Variants in SPPL2B observed in about 807,000 individuals in gnomAD.
SPPL2B encodes signal peptide peptidase like 2B, also known as signal peptide peptidase-like 2B.
In SPPL2B, 39 loss-of-function variants were observed where a neutral mutation model predicts 59.7. The ratio of observed to expected loss-of-function variants is 0.65; its 90% CI spans 0.51 to 0.85. The LOEUF is 0.85. Ranked by LOEUF, SPPL2B falls within the 40% of genes least tolerant of loss-of-function variation. The pLI, the probability that SPPL2B is intolerant of heterozygous loss-of-function variation, is 0.00. For synonymous variants in SPPL2B, 419 were observed against 370.8 expected (o/e 1.13, Z -1.49); for missense variants, 865 against 849.0 (o/e 1.02, Z -0.23).
Position 2,353,462 on chromosome 19 carries a change from C to T in SPPL2B, c.*253C>T, listed in dbSNP as rs1970043099. On this transcript the variant is annotated 3_prime_UTR_variant, in exon 15 of 15. Coordinates refer to ENST00000613503, the MANE Select transcript of SPPL2B (RefSeq NM_152988.3). ...CACAAGCTCTCTGCGGGTCCATCCT[C>T]CCCACCGGGGTCCGTCCTCGCAGGC... is the stretch of plus-strand genomic sequence containing the variant. The T allele has an allele frequency of 1.8e-5, 8 of 439,514 alleles. No individual in the cohort carries two copies. The South Asian group carries it at 2.1e-4, about 12-fold the overall frequency. 27.2% of individuals were successfully genotyped at this position (439,514 alleles called of 1,614,324 possible).
chr19:2,353,045 G>C lies in SPPL2B; in HGVS notation c.1615G>C (p.Glu539Gln), dbSNP rs1970018448. ...ACTCTCCCCGCAGCCGCCCAGCGAA[G>C]AACCAGCCACATCCCCCTGGCCTGC... The part of the protein sequence containing the change: ...TPLSPQPPSE[E>Q]PATSPWPAEQ... The change falls in exon 15 of 15, where the codon GAA (glutamate) becomes CAA (glutamine). Residue 539 changes from glutamate (E) to glutamine (Q), a missense_variant. By Grantham distance (29) the Glu-to-Gln change is conservative. Coordinates refer to ENST00000613503, the MANE Select transcript of SPPL2B (RefSeq NM_152988.3). The C allele has an allele frequency of 6.2e-7, 1 of 1,612,020 alleles. No individual in the cohort carries two copies. The highest frequency in any genetic ancestry group is 8.5e-7 in the Non-Finnish European group (1 of 1,179,656).
intron 7 of SPPL2B, 138 bp downstream of exon 7, chr19:2,340,310 T>G: frequency 1.4e-6 from 1 of 719,934 alleles, no homozygotes; most frequent in African/African-American, 1.8e-5. Flanking sequence ...GGCCTGGGGC[T>G]CCTAGGCCCA....
intron 2 of SPPL2B, among the ~76,000 whole-genome samples, chr19:2,335,263 GCCCCGC>G (rs1968506041): frequency 7.0e-6 from 1 of 143,412 alleles, no homozygotes; most frequent in Admixed American, 7.0e-5. Flanking sequence ...CATCCTTCAG[GCCCCGC>G]CTCCTTTCCC....
chr19:2,342,695 C>T (rs896633343), intron 8 of SPPL2B: 2 of 158,382 alleles, frequency 1.3e-5, no homozygotes, highest in African/African-American at 4.8e-5. Flanking sequence ...GTGCCCAAGC[C>T]CTCCTGCGCA....
rs934116260 is a variant in SPPL2B, at chr19:2,342,872, C to G, written c.957-339C>G. On this transcript the variant is annotated intron_variant, in intron 8 of 14. Transcript: ENST00000613503. The stretch of plus-strand genomic sequence containing the variant: ...CTGAGGGGACGCAGCCGGCCAGGCC[C>G]GTGTCCACCGTCCTGGCCCCACCAT... 20 of 278,562 alleles carry G rather than the reference C, an allele frequency of 7.2e-5. No homozygotes were observed. In the East Asian group the frequency reaches 1.4e-3, roughly 19 times the overall value. The allele number at this position is 278,562 out of a possible 1,614,324, so 17.3% of individuals were successfully genotyped here. A position where few individuals can be genotyped will look rare whatever the true frequency, so the allele number is the denominator to read the frequency against.
chr19:2,330,918 T>A (rs1744867231), intron 1 of SPPL2B, among the ~76,000 whole-genome samples: 1 of 152,140 alleles, frequency 6.6e-6, no homozygotes, highest in Non-Finnish European at 1.5e-5. Context: ...ACCCTGGTTG[T>A]AAATACACCC....
intron 13 of SPPL2B, among the ~76,000 whole-genome samples, chr19:2,348,643 T>G (rs1425883717): frequency 7.0e-6 from 1 of 142,428 alleles, no homozygotes; most frequent in Non-Finnish European, 1.5e-5. Context: ...CACGCTGTCA[T>G]TCGCTTGATT....
intron 2 of SPPL2B, among the ~76,000 whole-genome samples, chr19:2,336,657 ATGTG>A (rs951456301): frequency 2.2e-5 from 3 of 133,452 alleles, no homozygotes; most frequent in African/African-American, 2.9e-5. Flanking sequence ...GTGTGTGTGC[ATGTG>A]TGTAATAGGC....
In SPPL2B at chr19:2,343,288, TCAA is replaced by T; in HGVS notation, c.1035_1037del (p.Phe345_Lys346delinsLeu). ...CTGAAGACCATCCGTCTGCCCACCT[TCAA>T]GGTGAGTGCAGGGAGGGCACGGCTG... is the stretch of plus-strand genomic sequence containing the variant. On this transcript the variant is annotated inframe_deletion and splice_region_variant, in exon 9 of 15. Coordinates refer to ENST00000613503, the MANE Select transcript of SPPL2B (RefSeq NM_152988.3). 6.4e-7 allele frequency: 1 copy of T among 1,552,540 alleles called. No individual in the cohort carries two copies.
intron 8 of SPPL2B, chr19:2,341,565 G>A (rs1318095953): frequency 6.6e-6 from 3 of 454,382 alleles, no homozygotes; most frequent in Non-Finnish European, 1.3e-5. Flanking sequence ...GTGTTGGGAG[G>A]ACAGAGCTGG....
At chr19:2,346,463 C>G (rs1969377902) in intron 13 of SPPL2B, among the ~76,000 whole-genome samples, 1 of 152,338 alleles carries the variant, frequency 6.6e-6, no homozygotes, top group Non-Finnish European at 1.5e-5. Flanking sequence ...TCCAGGAGTT[C>G]AAGACCAGCC....
At chr19:2,338,960 C>A in intron 4 of SPPL2B, 109 bp from the exon 5 acceptor site, 1 of 1,487,550 alleles carries the variant, frequency 6.7e-7, no homozygotes, top group South Asian at 1.3e-5. Flanking sequence ...TGAGGCGTGG[C>A]CCCTGCAGGC....
intron 2 of SPPL2B, 100 bp downstream of exon 2, chr19:2,334,821 G>T: frequency 7.1e-7 from 1 of 1,403,918 alleles, no homozygotes; most frequent in East Asian, 2.7e-5. Context: ...ATCCAGAGGC[G>T]AGAGGCAGGC....
In SPPL2B at chr19:2,339,149, C is replaced by G; in HGVS notation, c.540C>G (p.Ile180Met). ...ACTACAACATGGTCATCATCTTCAT[C>G]ATGGCTGTGGGCACCGTCGCCATCG... is the stretch of plus-strand genomic sequence containing the variant. ...VLDYNMVIIFIMAVGTVAIGG... is the reference protein window; with the variant it reads ...VLDYNMVIIFMMAVGTVAIGG... The change falls in exon 5 of 15, where the codon ATC (isoleucine) becomes ATG (methionine). Residue 180 changes from isoleucine (I) to methionine (M), a missense_variant. Transcript: ENST00000613503. The G allele has an allele frequency of 6.3e-7, 1 of 1,599,914 alleles. No homozygotes were observed. The highest frequency in any genetic ancestry group is 8.5e-7 in the Non-Finnish European group (1 of 1,173,396).
chr19:2,334,381 G>C (rs897273870), intron 1 of SPPL2B, among the ~76,000 whole-genome samples: 6 of 152,232 alleles, frequency 3.9e-5, no homozygotes, highest in African/African-American at 1.4e-4. Context: ...TCACCAGCCT[G>C]GGGCTCCCTG....
chr19:2,340,501 G>C, intron 7 of SPPL2B: 1 of 604,670 alleles, frequency 1.7e-6, no homozygotes, highest in South Asian at 1.6e-5. Context: ...AGCTTGGCCT[G>C]GCTCTTAGGG....
intron 1 of SPPL2B, among the ~76,000 whole-genome samples, chr19:2,329,128 G>T (rs902821882): frequency 6.6e-6 from 1 of 152,226 alleles, no homozygotes; most frequent in African/African-American, 2.4e-5. Flanking sequence ...TTGAGCAGGC[G>T]GCTGCCCACC....
At chr19:2,344,738 G>A (rs1197769317) in intron 12 of SPPL2B, 86 bp downstream of exon 12, 9 of 829,856 alleles carry the variant, frequency 1.1e-5, no homozygotes, top group Non-Finnish European at 1.6e-5. Flanking sequence ...TGAGTGGCCC[G>A]CACACCGTCG....
intron 1 of SPPL2B, among the ~76,000 whole-genome samples, chr19:2,329,248 A>C (rs1027049471): frequency 2.6e-4 from 39 of 152,168 alleles, no homozygotes; most frequent in African/African-American, 8.9e-4. Flanking sequence ...GTCCCCCAGT[A>C]ACTGGCAGCA....
Sources: gnomAD v4.1 joint callset for allele counts (sites outside exome capture counted in the v4.1 genomes callset) on GRCh38, gnomAD v4.1.1 for gene constraint, MANE v1.5 for transcripts, NCBI Gene and HGNC (gene_info 2026-07-23, HGNC 2026-07-21) for gene names.